STK33: variants seen among roughly 807,000 people sequenced by gnomAD.
STK33 encodes the protein serine/threonine kinase 33, also known as serine/threonine-protein kinase 33.
A neutral mutation model predicts 58.0 loss-of-function variants in STK33; 52 were observed. The observed-to-expected ratio is 0.90, with a 90% CI of 0.72 to 1.13. The LOEUF (loss-of-function observed/expected upper bound fraction) is 1.13, where lower values mean the gene tolerates loss of function less well. STK33 is among the 50% of genes most tolerant of loss of function. The pLI is 0.00. For synonymous variants in STK33, 215 were observed against 200.1 expected, an observed-to-expected ratio of 1.07 and a Z score of -0.63; for missense variants, 630 against 604.2, an observed-to-expected ratio of 1.04 and a Z score of -0.45.
At chr11:8,514,039 AGC>A (rs1474194007) in intron 1 of STK33, among the ~76,000 whole-genome samples, 1 of 149,834 alleles carries the variant, frequency 6.7e-6, no homozygotes, top group Non-Finnish European at 1.5e-5. Context: ...TTAGTATTTT[AGC>A]TCCCAGAAAT....
chr11:8,499,164 A>C (rs138113012), intron 1 of STK33, among the ~76,000 whole-genome samples: 3,448 of 152,306 alleles, frequency 0.023, 59 homozygotes, highest in Non-Finnish European at 0.037. Flanking sequence ...AATGGGAGAA[A>C]ATTTTTGCAA....
At chr11:8,386,970 T>C (rs1848552488), downstream of STK33, among the ~76,000 whole-genome samples, 1 of 152,202 alleles carries the variant, frequency 6.6e-6, no homozygotes, top group South Asian at 2.1e-4. Flanking sequence ...TGTGAATTCC[T>C]GAGGAAAGAA....
At chr11:8,490,533 ACGTCCC>A (rs1283934751) in intron 1 of STK33, among the ~76,000 whole-genome samples, 2 of 152,204 alleles carry the variant, frequency 1.3e-5, no homozygotes, top group Non-Finnish European at 2.9e-5. Flanking sequence ...GCAGACTTAA[ACGTCCC>A]CGTCTCACAG....
the STK33 span, among the ~76,000 whole-genome samples, chr11:8,371,857 C>G: frequency 7.1e-6 from 1 of 140,826 alleles, no homozygotes; most frequent in South Asian, 2.6e-4. Context: ...TTCCTTCCCT[C>G]CCTCCCTCCC....
intron 8 of STK33, among the ~76,000 whole-genome samples, chr11:8,460,157 C>T (rs960739838): frequency 1.1e-4 from 17 of 152,202 alleles, no homozygotes; most frequent in South Asian, 4.2e-4. Context: ...TATCTAGCAT[C>T]CAACAAGGTA....
intron 14 of STK33, among the ~76,000 whole-genome samples, chr11:8,434,755 AT>A (rs1161193472): frequency 6.6e-6 from 1 of 152,190 alleles, no homozygotes; most frequent in Non-Finnish European, 1.5e-5. Flanking sequence ...TATCAGATCC[AT>A]TTAAGGACAC....
chr11:8,354,887 GCCCAGCCTGGCAGGGCTGGGCACAGA>G, the STK33 span, among the ~76,000 whole-genome samples: 1 of 152,338 alleles, frequency 6.6e-6, no homozygotes, highest in South Asian at 2.1e-4. Context: ...GTAATTGGAA[GCCCAGCCTGGCAGGGCTGGGCACAGA>G]CTTCATGCCG....
intron 15 of STK33, among the ~76,000 whole-genome samples, chr11:8,410,448 A>G (rs1178526868): frequency 6.6e-6 from 1 of 151,004 alleles, no homozygotes; most frequent in East Asian, 1.9e-4. Flanking sequence ...AATAATGGCA[A>G]AAATCTATTT....
At chr11:8,583,755 TA>T (rs1555015628) in intron 1 of STK33, among the ~76,000 whole-genome samples, 3 of 152,002 alleles carry the variant, frequency 2.0e-5, no homozygotes, top group Non-Finnish European at 2.9e-5. Flanking sequence ...AAGAATCAAA[TA>T]AAATAAAAAA....
At chr11:8,352,960 T>G in the STK33 span, among the ~76,000 whole-genome samples, 1 of 152,182 alleles carries the variant, frequency 6.6e-6, no homozygotes. Context: ...CCCAGGCTCA[T>G]GAGCACCCGT....
chr11:8,550,395 TC>T (rs1956226027), intron 1 of STK33, among the ~76,000 whole-genome samples: 1 of 152,128 alleles, frequency 6.6e-6, no homozygotes, highest in Admixed American at 6.6e-5. Flanking sequence ...TCCACCCGCC[TC>T]AGCCTCCCAA....
intron 11 of STK33, among the ~76,000 whole-genome samples, chr11:8,445,628 T>C (rs893654398): frequency 1.3e-5 from 2 of 149,430 alleles, no homozygotes; most frequent in South Asian, 2.1e-4. Context: ...TCTGCATCTA[T>C]TGAGATAATC....
At chr11:8,344,527 AG>A in the STK33 span, among the ~76,000 whole-genome samples, 1 of 152,230 alleles carries the variant, frequency 6.6e-6, no homozygotes, top group Admixed American at 6.5e-5. Context: ...TACAGTTTAG[AG>A]GACTGAGCAC....
chr11:8,494,498 T>C (rs1013596050), intron 1 of STK33, among the ~76,000 whole-genome samples: 9 of 152,186 alleles, frequency 5.9e-5, no homozygotes, highest in African/African-American at 2.2e-4. Flanking sequence ...AGAATCAATA[T>C]TGTGAAAATG....
intron 1 of STK33, among the ~76,000 whole-genome samples, chr11:8,568,766 G>A (rs550197112): frequency 6.6e-6 from 1 of 152,242 alleles, no homozygotes; most frequent in South Asian, 2.1e-4. Flanking sequence ...CAGAGAAAAA[G>A]TCTTATTCCC....
At chr11:8,479,644 A>T (rs574038704) in intron 2 of STK33, among the ~76,000 whole-genome samples, 1 of 152,120 alleles carries the variant, frequency 6.6e-6, no homozygotes, top group East Asian at 1.9e-4. Context: ...GGAGTTCGAG[A>T]TCAGCCTGGC....
intron 1 of STK33, among the ~76,000 whole-genome samples, chr11:8,545,334 AAGAG>A (rs1955829411): frequency 6.6e-6 from 1 of 152,184 alleles, no homozygotes; most frequent in African/African-American, 2.4e-5. Context: ...AAACCTTTAA[AAGAG>A]AGGCAAAAAT....
intron 1 of STK33, among the ~76,000 whole-genome samples, chr11:8,486,079 T>A (rs1416083486): frequency 6.6e-6 from 1 of 151,908 alleles, no homozygotes; most frequent in African/African-American, 2.4e-5. Context: ...ACTGCAAGAG[T>A]TTCCTAACTG....
Position 8,434,851 on chromosome 11 carries a change from C to A in STK33, c.1146+643G>T, listed in dbSNP as rs557584885. On this transcript the variant is annotated intron_variant, in intron 14 of 15. Transcript: ENST00000687296. ...AGAACACTGGGGAAGAGCCTTTTAA[C>A]TGGACAGCAATGTTTCCAACTAACA... Among the ~76,000 whole-genome samples the A allele has an allele frequency of 1.3e-3, 203 of 152,290 alleles. 2 individuals are homozygous for A. Among genetic ancestry groups the A allele is most frequent in the Admixed American group, 2.4e-3 (36 of 15,292 alleles).
Sources: gnomAD v4.1 joint callset for allele counts (sites outside exome capture counted in the v4.1 genomes callset) on GRCh38, gnomAD v4.1.1 for gene constraint, MANE v1.5 for transcripts, NCBI Gene and HGNC (gene_info 2026-07-23, HGNC 2026-07-21) for gene names.